Variants in PEPD observed in about 807,000 individuals in gnomAD.
The protein encoded by PEPD is xaa-Pro dipeptidase.
PEPD carries 53 observed loss-of-function variants against 60.7 expected under a neutral mutation model. The observed-to-expected ratio is 0.87, with a 90% CI of 0.70 to 1.10. The LOEUF is 1.10. PEPD is among the 50% of genes least tolerant of loss of function. The probability of loss-of-function intolerance (pLI) is 0.00; values close to 1 mark genes in which losing one functional copy is unlikely to be tolerated. For missense variants in PEPD, 711 were observed against 711.9 expected, an observed-to-expected ratio of 1.00 and a Z score of 0.01; for synonymous variants, 267 against 284.1, an observed-to-expected ratio of 0.94 and a Z score of 0.60.
rs530028900 is a variant in PEPD, at chr19:33,415,293, G to A, written c.672-1650C>T. Among the ~76,000 whole-genome samples the A allele has an allele frequency of 1.2e-4, 18 of 152,316 alleles. No homozygotes were observed. The South Asian group carries it at 1.7e-3, about 14-fold the overall frequency. On this transcript the variant is annotated intron_variant, in intron 9 of 14. Transcript: ENST00000244137. ...TGACCTGCAGACAACCACGGGCTGC[G>A]CTGGGACTGGCCGGCTTCAGAAAAG...
chr19:33,478,513 C>T (rs1970262313), intron 6 of PEPD, among the ~76,000 whole-genome samples: 1 of 152,146 alleles, frequency 6.6e-6, no homozygotes, highest in East Asian at 1.9e-4. Context: ...AAGATATCCA[C>T]ACCTAGACAC....
At chr19:33,395,242 A>C (rs751975261) in intron 12 of PEPD, 1 of 152,366 alleles carries the variant, frequency 6.6e-6, no homozygotes, top group Non-Finnish European at 1.5e-5. Flanking sequence ...CTGTACTTTG[A>C]GAATTCACGG....
chr19:33,470,143 C>A (rs1482940137), intron 7 of PEPD, among the ~76,000 whole-genome samples: 2 of 152,096 alleles, frequency 1.3e-5, no homozygotes, highest in South Asian at 2.1e-4. Flanking sequence ...GCTGCCACTC[C>A]CCCTCCACGA....
At chr19:33,450,653 C>T (rs147917701) in intron 9 of PEPD, among the ~76,000 whole-genome samples, 205 of 152,198 alleles carry the variant, frequency 1.3e-3, no homozygotes, top group African/African-American at 4.7e-3. Flanking sequence ...TGAGACAGTG[C>T]TCACTAAATA....
chr19:33,421,544 G>C (rs1969019318), intron 9 of PEPD, among the ~76,000 whole-genome samples: 3 of 152,172 alleles, frequency 2.0e-5, no homozygotes, highest in Non-Finnish European at 2.9e-5. Flanking sequence ...AGGCTGGAGT[G>C]AAGTGGTGCA....
chr19:33,478,164 G>A (rs901716483), intron 6 of PEPD, 74 bp from the exon 7 acceptor site: 6 of 945,302 alleles, frequency 6.3e-6, no homozygotes, highest in African/African-American at 4.9e-5. Flanking sequence ...CCTCATTCAA[G>A]ACATGCACAC....
intron 9 of PEPD, among the ~76,000 whole-genome samples, chr19:33,453,488 C>T (rs1969738014): frequency 6.6e-6 from 1 of 152,170 alleles, no homozygotes; most frequent in South Asian, 2.1e-4. Context: ...TTTAGCAAGC[C>T]TACTGGTGCC....
chr19:33,403,233 G>A (rs1968544441), intron 11 of PEPD, among the ~76,000 whole-genome samples: 1 of 152,212 alleles, frequency 6.6e-6, no homozygotes, highest in South Asian at 2.1e-4. Flanking sequence ...GGGTCCACCA[G>A]CCCCTTCACA....
At chr19:33,482,392 A>C (rs952419382) in intron 6 of PEPD, among the ~76,000 whole-genome samples, 1 of 152,218 alleles carries the variant, frequency 6.6e-6, no homozygotes. Context: ...AAAATCAAAC[A>C]CCTTTTCATA....
chr19:33,458,466 T>G (rs61285153), intron 9 of PEPD, among the ~76,000 whole-genome samples: 61,148 of 149,572 alleles, frequency 0.41, 12,929 homozygotes, highest in African/African-American at 0.54. Flanking sequence ...GTGTATGGTA[T>G]GTGGTATGTG....
chr19:33,389,673 T>C (rs1206659497), intron 13 of PEPD, among the ~76,000 whole-genome samples: 1 of 152,180 alleles, frequency 6.6e-6, no homozygotes, highest in East Asian at 1.9e-4. Context: ...GGCTGCTCCA[T>C]GGTACACGGT....
At chr19:33,489,090 C>A (rs1472275321) in intron 6 of PEPD, among the ~76,000 whole-genome samples, 3 of 151,996 alleles carry the variant, frequency 2.0e-5, no homozygotes, top group Non-Finnish European at 4.4e-5. Flanking sequence ...CCTCTCCAGG[C>A]TCTCCCGGGG....
At chr19:33,512,858 G>T in intron 1 of PEPD, 82 bp from the exon 2 acceptor site, 1 of 1,502,282 alleles carries the variant, frequency 6.7e-7, no homozygotes, top group Non-Finnish European at 9.2e-7. Context: ...CGGGGTGACC[G>T]GAGGCCCGAG....
At position 33,388,051 on chromosome 19, in the gene PEPD, G is replaced by A. The variant is rs1390375452; in HGVS notation, c.1183C>T (p.Arg395Trp). The change falls in exon 14 of 15, where the codon CGG becomes TGG. Residue 395 changes from arginine to tryptophan, a missense_variant. Coordinates refer to ENST00000244137, the MANE Select transcript of PEPD (RefSeq NM_000285.4). ...GVERIDEPGL[R>W]SLRTARHLQP... The stretch of plus-strand genomic sequence containing the variant: ...AGGTGCCGTGCAGTGCGCAGGCTCC[G>A]CAGGCCGGGCTCGTCGATGCGCTCC... The A allele has an allele frequency of 1.0e-5, 16 of 1,555,582 alleles. No individual in the cohort carries two copies. The highest frequency in any genetic ancestry group is 1.3e-5 in the Non-Finnish European group (15 of 1,150,554).
intron 9 of PEPD, among the ~76,000 whole-genome samples, chr19:33,442,617 G>A (rs1234660277): frequency 6.6e-6 from 1 of 150,902 alleles, no homozygotes; most frequent in East Asian, 2.0e-4. Context: ...GCTGAGGCAG[G>A]AGAATAGCTT....
chr19:33,439,337 G>C (rs1969440953), intron 9 of PEPD, among the ~76,000 whole-genome samples: 1 of 152,344 alleles, frequency 6.6e-6, no homozygotes, highest in African/African-American at 2.4e-5. Flanking sequence ...CTGGCTGTTG[G>C]TGGCCCTGAC....
At chr19:33,509,820 G>A (rs1268101666) in intron 3 of PEPD, among the ~76,000 whole-genome samples, 1 of 152,232 alleles carries the variant, frequency 6.6e-6, no homozygotes, top group Non-Finnish European at 1.5e-5. Context: ...TGGCACCACT[G>A]AGCAGGCAGA....
chr19:33,407,217 G>A (rs142897274), intron 11 of PEPD, among the ~76,000 whole-genome samples: 3 of 152,350 alleles, frequency 2.0e-5, no homozygotes, highest in Admixed American at 6.5e-5. Flanking sequence ...TTCCCAACCA[G>A]AGCCCTCCAC....
At chr19:33,392,558 C>G (rs543636228) in intron 12 of PEPD, among the ~76,000 whole-genome samples, 1 of 152,324 alleles carries the variant, frequency 6.6e-6, no homozygotes, top group African/African-American at 2.4e-5. Flanking sequence ...GCGGGGGGCC[C>G]CTATCAATGT....
Sources: allele counts gnomAD v4.1 joint callset (sites outside exome capture counted in the v4.1 genomes callset), GRCh38; gene constraint gnomAD v4.1.1; transcripts MANE v1.5; gene names NCBI Gene and HGNC (gene_info 2026-07-23, HGNC 2026-07-21).